The following KCNN2 variants were observed in gnomAD, a reference collection of about 807,000 sequenced individuals.
KCNN2 encodes the protein potassium calcium-activated channel subfamily N member 2.
A neutral mutation model predicts 55.5 loss-of-function variants in KCNN2; 24 were observed. The ratio of observed to expected loss-of-function variants is 0.43; its 90% CI spans 0.31 to 0.61. The LOEUF is 0.61. Among genes scored for constraint, KCNN2 ranks in the 20% least tolerant of loss-of-function variants. The pLI, the probability that KCNN2 is intolerant of heterozygous loss-of-function variation, is 0.08. For synonymous variants in KCNN2, 431 were observed against 336.1 expected (o/e 1.28, Z -3.09); for missense variants, 754 against 853.6 (o/e 0.88, Z 1.45).
chr5:114,093,266 G>C (rs2112558390), intron 1 of KCNN2, among the ~76,000 whole-genome samples: 1 of 152,222 alleles, frequency 6.6e-6, no homozygotes, highest in South Asian at 2.1e-4. Context: ...TTCCCAATGA[G>C]TTCCTCACCT....
chr5:114,290,633 G>T (rs1256412591), intron 2 of KCNN2, among the ~76,000 whole-genome samples: 1 of 151,750 alleles, frequency 6.6e-6, no homozygotes, highest in Non-Finnish European at 1.5e-5. Flanking sequence ...TCTTCAGTCT[G>T]CTCTTCATTT....
At chr5:114,386,397 A>G (rs1758288033) in intron 2 of KCNN2, among the ~76,000 whole-genome samples, 1 of 152,086 alleles carries the variant, frequency 6.6e-6, no homozygotes, top group Admixed American at 6.5e-5. Context: ...AAGCAGAAAA[A>G]ACAATTGTTC....
chr5:114,344,818 C>T (rs1237533798), intron 2 of KCNN2, among the ~76,000 whole-genome samples: 2 of 152,228 alleles, frequency 1.3e-5, no homozygotes, highest in African/African-American at 4.8e-5. Context: ...AGATTATAAA[C>T]TGCCACGGAA....
intron 3 of KCNN2, among the ~76,000 whole-genome samples, chr5:114,419,657 C>T (rs1421593255): frequency 2.6e-5 from 4 of 152,100 alleles, no homozygotes; most frequent in Non-Finnish European, 5.9e-5. Flanking sequence ...CTAGTACTAG[C>T]TAGATGCATA....
chr5:114,162,374 G>A (rs1230976131), intron 1 of KCNN2, among the ~76,000 whole-genome samples: 1 of 152,160 alleles, frequency 6.6e-6, no homozygotes, highest in Non-Finnish European at 1.5e-5. Flanking sequence ...TTTTGTCTCA[G>A]AGGAGTACCC....
intron 2 of KCNN2, among the ~76,000 whole-genome samples, chr5:114,378,466 G>C (rs1455691157): frequency 6.6e-6 from 1 of 152,202 alleles, no homozygotes; most frequent in Non-Finnish European, 1.5e-5. Flanking sequence ...TGTGTGGTGG[G>C]CAGAGATTCA....
chr5:114,405,777 C>T (rs1758912190), intron 3 of KCNN2, among the ~76,000 whole-genome samples: 1 of 151,246 alleles, frequency 6.6e-6, no homozygotes, highest in Non-Finnish European at 1.5e-5. Context: ...GTGGCCCGAT[C>T]TCGGCTCACT....
chr5:114,239,445 T>G (rs999484074), intron 2 of KCNN2, among the ~76,000 whole-genome samples: 1 of 152,222 alleles, frequency 6.6e-6, no homozygotes, highest in Non-Finnish European at 1.5e-5. Context: ...AAAATATTGC[T>G]CCTGCAAAGG....
chr5:114,478,376 A>C (rs1235240058), intron 5 of KCNN2, among the ~76,000 whole-genome samples: 1 of 152,082 alleles, frequency 6.6e-6, no homozygotes, highest in Non-Finnish European at 1.5e-5. Context: ...AGTGAACAAA[A>C]CCTCCGAGAA....
chr5:114,379,806 T>C (rs931121534), intron 2 of KCNN2, among the ~76,000 whole-genome samples: 1 of 143,364 alleles, frequency 7.0e-6, no homozygotes, highest in Admixed American at 7.1e-5. Context: ...ATATATTATA[T>C]AACATATTAT....
At chr5:114,296,193 T>G (rs929227652) in intron 2 of KCNN2, among the ~76,000 whole-genome samples, 13 of 152,172 alleles carry the variant, frequency 8.5e-5, no homozygotes, top group Non-Finnish European at 1.6e-4. Context: ...AAATAAATAG[T>G]TTTTCTAAGT....
intron 2 of KCNN2, among the ~76,000 whole-genome samples, chr5:114,264,499 A>C (rs143145756): frequency 6.6e-6 from 1 of 152,178 alleles, no homozygotes; most frequent in Non-Finnish European, 1.5e-5. Context: ...AGCAAGACAG[A>C]AAACAGGGAG....
At chr5:114,128,527 G>A (rs886492908) in intron 1 of KCNN2, among the ~76,000 whole-genome samples, 3 of 152,180 alleles carry the variant, frequency 2.0e-5, no homozygotes, top group African/African-American at 7.2e-5. Context: ...TTTGGGTGGG[G>A]ACACAGCCAA....
chr5:114,289,060 T>C (rs1366779954), intron 2 of KCNN2, among the ~76,000 whole-genome samples: 2 of 152,208 alleles, frequency 1.3e-5, no homozygotes, highest in African/African-American at 4.8e-5. Flanking sequence ...CCCTTGAACG[T>C]GGATATACAG....
At chr5:114,117,176 G>A (rs1751723177) in intron 1 of KCNN2, among the ~76,000 whole-genome samples, 1 of 152,146 alleles carries the variant, frequency 6.6e-6, no homozygotes, top group South Asian at 2.1e-4. Flanking sequence ...CTTATGAATA[G>A]CCAGATAGAC....
chr5:114,388,249 C>G (rs116674155), intron 2 of KCNN2, among the ~76,000 whole-genome samples: 9 of 152,180 alleles, frequency 5.9e-5, no homozygotes, highest in South Asian at 4.1e-4. Flanking sequence ...TTTCTCCTTT[C>G]TTTCCTTATT....
chr5:114,257,481 C>T (rs1433068669), intron 2 of KCNN2, among the ~76,000 whole-genome samples: 1 of 151,918 alleles, frequency 6.6e-6, no homozygotes, highest in Non-Finnish European at 1.5e-5. Context: ...TATTCTAATT[C>T]ATGAGCATGG....
intron 1 of KCNN2, among the ~76,000 whole-genome samples, chr5:114,113,742 G>T (rs150786479): frequency 6.6e-6 from 1 of 152,090 alleles, no homozygotes; most frequent in Non-Finnish European, 1.5e-5. Context: ...GAAGATCCAG[G>T]TTATTTTAGT....
rs1013092263 is a variant in KCNN2, at chr5:114,452,055, T to C, written c.1638-10994T>C. Among the ~76,000 whole-genome samples the C allele has an allele frequency of 6.6e-5, 10 of 152,272 alleles. No individual in the cohort carries two copies. In the East Asian group the frequency reaches 1.9e-3, roughly 29 times the overall value. ...TGAAATCCTCAAGATCCTAAAGCCA[T>C]GTTTATGTTTTCATAACTCAGTTAT... is the stretch of plus-strand genomic sequence containing the variant. On this transcript the variant is annotated intron_variant, in intron 3 of 7. Transcript: ENST00000673685.
Sources: gnomAD v4.1 joint callset for allele counts (sites outside exome capture counted in the v4.1 genomes callset) on GRCh38, gnomAD v4.1.1 for gene constraint, MANE v1.5 for transcripts, NCBI Gene and HGNC (gene_info 2026-07-23, HGNC 2026-07-21) for gene names.